The following ATIC variants were observed in gnomAD, a reference collection of about 807,000 sequenced individuals.
The protein encoded by ATIC is bifunctional purine biosynthesis protein ATIC.
A neutral mutation model predicts 72.5 loss-of-function variants in ATIC; 64 were observed. The observed-to-expected ratio is 0.88, with a 90% CI of 0.72 to 1.09. ATIC has a LOEUF of 1.09. Ranked by LOEUF, ATIC falls within the 50% of genes least tolerant of loss-of-function variation. The pLI is 0.00. For missense variants in ATIC, 787 were observed against 732.4 expected (o/e 1.07, Z -0.86); for synonymous variants, 281 against 267.1 (o/e 1.05, Z -0.51).
In ATIC at chr2:215,344,784, A is replaced by G. The variant is rs781615154; in HGVS notation, c.1233A>G (p.Pro411=). ...SNVVTKNKDL[P]ESALRDLIVA... ...CCATTGTGTATGTGTTTCAGTTGCC[A>G]GAGTCTGCCCTCCGAGACCTCATCG... The change falls in exon 13 of 16, where the codon CCA becomes CCG. Residue 411 remains proline, a synonymous_variant. Transcript: ENST00000236959. 1 of 1,614,002 alleles carries G rather than the reference A, an allele frequency of 6.2e-7. No individual in the cohort carries two copies.
chr2:215,319,454 GA>G (rs1370677052), intron 3 of ATIC, among the ~76,000 whole-genome samples: 1 of 152,000 alleles, frequency 6.6e-6, no homozygotes, highest in Non-Finnish European at 1.5e-5. Context: ...GAGGTAGGAG[GA>G]TCACTTGAGC....
intron 12 of ATIC, among the ~76,000 whole-genome samples, chr2:215,341,227 A>G (rs914836724): frequency 5.9e-5 from 9 of 152,244 alleles, no homozygotes; most frequent in African/African-American, 2.2e-4. Context: ...GGCATTATAC[A>G]TAGAAATATC....
intron 2 of ATIC, among the ~76,000 whole-genome samples, chr2:215,313,331 C>T (rs2052675585): frequency 6.6e-6 from 1 of 152,166 alleles, no homozygotes; most frequent in African/African-American, 2.4e-5. Flanking sequence ...CCCTTAGAAT[C>T]TCTGGTAACC....
the ATIC span, among the ~76,000 whole-genome samples, chr2:215,356,725 G>A: frequency 6.6e-6 from 1 of 152,098 alleles, no homozygotes; most frequent in Non-Finnish European, 1.5e-5. Flanking sequence ...TTCGTGTCTG[G>A]CTTCAACTTA....
the ATIC span, chr2:215,367,588 C>T: frequency 6.5e-5 from 29 of 448,946 alleles, 1 homozygote; most frequent in East Asian, 1.3e-3. Flanking sequence ...TTTGTTTTCA[C>T]AGAAAATTTC....
At chr2:215,352,238 AGG>A (rs1339232252), downstream of ATIC, among the ~76,000 whole-genome samples, 1 of 152,206 alleles carries the variant, frequency 6.6e-6, no homozygotes, top group Non-Finnish European at 1.5e-5. Context: ...TACTAATAAA[AGG>A]GGAAATTAGG....
At chr2:215,320,876 G>A (rs1345448933) in intron 4 of ATIC, among the ~76,000 whole-genome samples, 1 of 152,180 alleles carries the variant, frequency 6.6e-6, no homozygotes, top group African/African-American at 2.4e-5. Flanking sequence ...CACCACGCCC[G>A]GCCTGCCCGG....
intron 14 of ATIC, chr2:215,347,384 T>G: frequency 2.7e-6 from 1 of 372,586 alleles, no homozygotes; most frequent in East Asian, 5.7e-5. Flanking sequence ...TTTCTACATG[T>G]GCCATTAATA....
At chr2:215,321,038 T>G (rs537432411) in intron 4 of ATIC, among the ~76,000 whole-genome samples, 46 of 152,282 alleles carry the variant, frequency 3.0e-4, no homozygotes, top group Non-Finnish European at 4.6e-4. Flanking sequence ...AAATGAGATT[T>G]GGAGAGGACA....
At chr2:215,312,295 C>T (rs1305890072) in intron 1 of ATIC, 134 bp downstream of exon 1, 1 of 1,441,710 alleles carries the variant, frequency 6.9e-7, no homozygotes, top group Admixed American at 2.5e-5. Context: ...CCCCGCTCCC[C>T]GGCCGGGCCG....
chr2:215,364,506 G>C, the ATIC span: 2 of 328,000 alleles, frequency 6.1e-6, no homozygotes, highest in South Asian at 3.0e-5. Flanking sequence ...TAATTAATTT[G>C]AATAGTATCT....
chr2:215,319,213 A>G (rs994603997), intron 3 of ATIC, among the ~76,000 whole-genome samples: 3 of 152,020 alleles, frequency 2.0e-5, no homozygotes, highest in Admixed American at 1.3e-4. Flanking sequence ...TTTTTGTTTG[A>G]TAACTCCCCA....
chr2:215,334,189 CTTTTTTTT>C (rs551274501), intron 9 of ATIC, among the ~76,000 whole-genome samples: 2 of 101,002 alleles, frequency 2.0e-5, no homozygotes, highest in African/African-American at 3.7e-5. Context: ...AAAAGCTATT[CTTTTTTTT>C]TTTTTTTTTT....
the ATIC span, chr2:215,361,611 T>C: frequency 1.9e-5 from 31 of 1,611,128 alleles, 1 homozygote; most frequent in South Asian, 1.4e-4. Context: ...AAGCACTCAA[T>C]TGGGCAATTA....
At chr2:215,349,792 T>C (rs990479700), downstream of ATIC, 3 of 1,478,038 alleles carry the variant, frequency 2.0e-6, no homozygotes, top group Admixed American at 5.2e-5. Flanking sequence ...TTGTGTTTTA[T>C]GTTAAAGATG....
downstream of ATIC, among the ~76,000 whole-genome samples, chr2:215,350,348 T>C (rs904895884): frequency 6.6e-6 from 1 of 152,178 alleles, no homozygotes; most frequent in Non-Finnish European, 1.5e-5. Context: ...TTGGTCAGGC[T>C]GGTCTCGAAC....
At chr2:215,368,104 C>T in the ATIC span, 14 of 1,425,044 alleles carry the variant, frequency 9.8e-6, no homozygotes, top group Non-Finnish European at 1.4e-5. Context: ...AATCGAATGA[C>T]TGTATACAAT....
At chr2:215,342,045 A>G (rs1251003279) in intron 12 of ATIC, among the ~76,000 whole-genome samples, 1 of 152,200 alleles carries the variant, frequency 6.6e-6, no homozygotes, top group East Asian at 1.9e-4. Context: ...ATTCATTGTC[A>G]TGAGAACTAC....
chr2:215,364,466 G>A, the ATIC span: 87 of 272,404 alleles, frequency 3.2e-4, no homozygotes, highest in East Asian at 2.6e-3. Flanking sequence ...GGGGAGAACC[G>A]GCTGAAATGA....
Sources: gnomAD v4.1 joint callset for allele counts (sites outside exome capture counted in the v4.1 genomes callset) on GRCh38, gnomAD v4.1.1 for gene constraint, MANE v1.5 for transcripts, NCBI Gene and HGNC (gene_info 2026-07-23, HGNC 2026-07-21) for gene names.